Variants in PRKAR1B observed in about 807,000 individuals in gnomAD.
The protein encoded by PRKAR1B is cAMP-dependent protein kinase type I-beta regulatory subunit.
Under a neutral mutation model 46.5 loss-of-function variants are expected in PRKAR1B, and 22 were observed. That is an observed-to-expected ratio of 0.47 (90% CI 0.34 to 0.68). The LOEUF (loss-of-function observed/expected upper bound fraction) is 0.68. PRKAR1B is among the 30% of genes least tolerant of loss of function. PRKAR1B has a pLI of 0.01. For synonymous variants in PRKAR1B, 259 were observed against 217.7 expected, an observed-to-expected ratio of 1.19 and a Z score of -1.67; for missense variants, 445 against 535.6, an observed-to-expected ratio of 0.83 and a Z score of 1.67.
intron 4 of PRKAR1B, among the ~76,000 whole-genome samples, chr7:616,109 G>A (rs1045714134): frequency 4.6e-5 from 7 of 152,180 alleles, no homozygotes; most frequent in African/African-American, 1.7e-4. Flanking sequence ...AGCCCTGCCC[G>A]CGGGTGCACA....
At chr7:587,842 G>A (rs1446578325) in intron 7 of PRKAR1B, among the ~76,000 whole-genome samples, 1 of 152,242 alleles carries the variant, frequency 6.6e-6, no homozygotes, top group Non-Finnish European at 1.5e-5. Context: ...CAGCTCAAGG[G>A]GGAAGGGCTG....
chr7:680,761 G>C, intron 2 of PRKAR1B, 35 bp from the exon 3 acceptor site: 1 of 1,612,676 alleles, frequency 6.2e-7, no homozygotes, highest in Non-Finnish European at 8.5e-7. Flanking sequence ...AAGGAAGTAA[G>C]AACCTGGCTG....
intron 4 of PRKAR1B, among the ~76,000 whole-genome samples, chr7:657,420 A>ATGG (rs1562593821): frequency 1.1e-4 from 13 of 120,334 alleles, no homozygotes; most frequent in Non-Finnish European, 2.4e-4. Flanking sequence ...TGGATGGATG[A>ATGG]ATGAATGAAT....
At position 644,043 on chromosome 7, in the gene PRKAR1B, T is replaced by C. The variant is rs1045463548; in HGVS notation, c.440+33186A>G. Among the ~76,000 whole-genome samples the C allele has an allele frequency of 6.6e-6, 1 of 152,118 alleles. No homozygotes were observed. The highest frequency in any genetic ancestry group is 1.5e-5 in the Non-Finnish European group (1 of 68,022). On this transcript the variant is annotated intron_variant, in intron 4 of 10. Transcript: ENST00000537384. The surrounding 1 kb of genome is among the most constrained non-coding windows in gnomAD (Gnocchi z 4.9). Reference sequence around the variant, plus strand: ...TGATGAAATGCCGGCTGCCCAGTGCTACGAAGCTAGGGGCGGCTGCTACAC... The same window carrying C: ...TGATGAAATGCCGGCTGCCCAGTGCCACGAAGCTAGGGGCGGCTGCTACAC...
At chr7:663,527 G>A (rs902769471) in intron 4 of PRKAR1B, among the ~76,000 whole-genome samples, 5 of 152,218 alleles carry the variant, frequency 3.3e-5, no homozygotes, top group African/African-American at 7.2e-5. Context: ...GTGAGCCACC[G>A]TGCCCGGCCC....
intron 9 of PRKAR1B, among the ~76,000 whole-genome samples, chr7:576,882 C>T (rs532046590): frequency 1.3e-5 from 2 of 152,304 alleles, no homozygotes; most frequent in African/African-American, 4.8e-5. Flanking sequence ...CAGCGAAACA[C>T]ACACTTCCTT....
intron 6 of PRKAR1B, among the ~76,000 whole-genome samples, chr7:604,802 C>T (rs565147955): frequency 2.0e-5 from 3 of 152,230 alleles, no homozygotes; most frequent in Admixed American, 6.5e-5. Flanking sequence ...CCGGGGGTGG[C>T]GTTGCCTGCA....
At chr7:578,825 G>C (rs1348885918) in intron 9 of PRKAR1B, 1 of 272,604 alleles carries the variant, frequency 3.7e-6, no homozygotes, top group East Asian at 1.2e-4. Flanking sequence ...GGGATTACAG[G>C]CATGTGCCAC....
At chr7:684,905 G>A (rs1161838546) in intron 2 of PRKAR1B, among the ~76,000 whole-genome samples, 1 of 132,696 alleles carries the variant, frequency 7.5e-6, no homozygotes, top group Non-Finnish European at 1.6e-5. Flanking sequence ...CACACACAGA[G>A]GATGGAAGCA....
At chr7:684,875 G>GACACACACACACACAC (rs142305067) in intron 2 of PRKAR1B, among the ~76,000 whole-genome samples, 74 of 145,512 alleles carry the variant, frequency 5.1e-4, no homozygotes, top group African/African-American at 1.3e-3. Context: ...ACTTCACACA[G>GACACACACACACACAC]ACACACACAC....
chr7:579,011 C>T (rs1780025604), intron 9 of PRKAR1B: 2 of 985,092 alleles, frequency 2.0e-6, no homozygotes, highest in Non-Finnish European at 2.4e-6. Flanking sequence ...ACACGTGCAG[C>T]TCAGGCACCA....
chr7:719,183 G>A (rs1209357860), intron 1 of PRKAR1B, among the ~76,000 whole-genome samples: 4 of 152,092 alleles, frequency 2.6e-5, no homozygotes, highest in African/African-American at 9.7e-5. Context: ...GGGATTACAG[G>A]TGCCTGCCAC....
chr7:660,962 CT>C (rs1476612967), intron 4 of PRKAR1B, among the ~76,000 whole-genome samples: 14 of 122,594 alleles, frequency 1.1e-4, no homozygotes, highest in African/African-American at 1.6e-4. Flanking sequence ...TACTCTTCCC[CT>C]CCATGGCACA....
chr7:663,684 C>T (rs1271677390), intron 4 of PRKAR1B, among the ~76,000 whole-genome samples: 3 of 152,076 alleles, frequency 2.0e-5, no homozygotes, highest in South Asian at 2.1e-4. Context: ...AGCGGTGGCC[C>T]GAAGCAGGTG....
In PRKAR1B at chr7:706,422, A is replaced by ATTTTTTTTTTTT. The variant is rs33963335; in HGVS notation, c.177+4895_177+4906dup. Among the ~76,000 whole-genome samples the ATTTTTTTTTTTT allele has an allele frequency of 9.1e-3, 928 of 102,244 alleles. 117 individuals are homozygous for ATTTTTTTTTTTT. The highest frequency in any genetic ancestry group is 0.021 in the African/African-American group (544 of 25,810). The allele number at this position is 102,244 out of a possible 152,430, so 67.1% of individuals were successfully genotyped here. ...GCTGTGTTTTGCCATCAAATAAGGA[A>ATTTTTTTTTTTT]TTTTTTTTTTTTTTTTTTTGAGACG... On this transcript the variant is annotated intron_variant, in intron 2 of 10. Coordinates refer to ENST00000537384, the MANE Select transcript of PRKAR1B (RefSeq NM_001164760.2).
Position 592,544 on chromosome 7 carries a change from G to A in PRKAR1B, c.708+3602C>T, listed in dbSNP as rs973209260. Among the ~76,000 whole-genome samples the A allele has an allele frequency of 2.0e-5, 3 of 152,334 alleles. No individual in the cohort carries two copies. In the East Asian group the frequency reaches 5.8e-4, roughly 29 times the overall value. ...CCCACTGGCTGTGCCGAGTCACTCCGGATACTGGTCAGCGGGGGCTGAGGG... is the reference window on the plus strand; with the variant it reads ...CCCACTGGCTGTGCCGAGTCACTCCAGATACTGGTCAGCGGGGGCTGAGGG... On this transcript the variant is annotated intron_variant, in intron 7 of 10. Coordinates refer to ENST00000537384, the MANE Select transcript of PRKAR1B (RefSeq NM_001164760.2).
chr7:707,170 G>C (rs2128525913), intron 2 of PRKAR1B, among the ~76,000 whole-genome samples: 1 of 152,330 alleles, frequency 6.6e-6, no homozygotes, highest in African/African-American at 2.4e-5. Flanking sequence ...AAGCTAAGAG[G>C]AATTCTTCCC....
intron 1 of PRKAR1B, among the ~76,000 whole-genome samples, chr7:715,165 G>A (rs1310935127): frequency 3.3e-5 from 5 of 152,104 alleles, no homozygotes; most frequent in Admixed American, 6.5e-5. Context: ...AAGAGCGAAC[G>A]AAACTCCGTC....
intron 7 of PRKAR1B, among the ~76,000 whole-genome samples, chr7:589,464 G>A (rs1168361214): frequency 6.6e-6 from 1 of 151,758 alleles, no homozygotes; most frequent in Non-Finnish European, 1.5e-5. Context: ...AGGTGATGAC[G>A]ATAAGCACGG....
Sources: allele counts gnomAD v4.1 joint callset (sites outside exome capture counted in the v4.1 genomes callset), GRCh38; gene constraint gnomAD v4.1.1; non-coding constraint Gnocchi (gnomAD v3.1); transcripts MANE v1.5; gene names NCBI Gene and HGNC (gene_info 2026-07-23, HGNC 2026-07-21).